The following CNTNAP5 variants were observed in gnomAD, a reference collection of about 807,000 sequenced individuals.
CNTNAP5 encodes the protein contactin-associated protein-like 5.
Under a neutral mutation model 150.2 loss-of-function variants are expected in CNTNAP5, and 72 were observed. That is an observed-to-expected ratio of 0.48 (90% CI 0.40 to 0.58). The LOEUF (loss-of-function observed/expected upper bound fraction) is 0.58. Among genes scored for constraint, CNTNAP5 ranks in the 20% least tolerant of loss-of-function variants. The pLI, the probability that CNTNAP5 is intolerant of heterozygous loss-of-function variation, is 0.00. For synonymous variants in CNTNAP5, 672 were observed against 619.8 expected (o/e 1.08, Z -1.25); for missense variants, 1,636 against 1,626.2 (o/e 1.01, Z -0.10).
At chr2:124,321,132 T>C (rs1361215589) in intron 3 of CNTNAP5, among the ~76,000 whole-genome samples, 1 of 152,254 alleles carries the variant, frequency 6.6e-6, no homozygotes, top group South Asian at 2.1e-4. Flanking sequence ...GGAAATTCAG[T>C]GCTGGAGCTA....
At chr2:124,222,619 T>C (rs187077704) in intron 2 of CNTNAP5, among the ~76,000 whole-genome samples, 3 of 152,182 alleles carry the variant, frequency 2.0e-5, no homozygotes, top group Admixed American at 2.0e-4. Context: ...GTTTATATTA[T>C]TTAATTTTGA....
chr2:124,218,813 T>C (rs866581500), intron 1 of CNTNAP5, among the ~76,000 whole-genome samples: 1 of 152,166 alleles, frequency 6.6e-6, no homozygotes, highest in Admixed American at 6.6e-5. Context: ...GACTGATAGA[T>C]ACCAATTTTA....
intron 1 of CNTNAP5, among the ~76,000 whole-genome samples, chr2:124,154,609 A>C (rs1270070171): frequency 6.6e-6 from 1 of 152,182 alleles, no homozygotes. Flanking sequence ...AAACTTTTCC[A>C]ATGAAGAAAG....
chr2:124,913,588 T>C (rs1234391009), intron 23 of CNTNAP5, among the ~76,000 whole-genome samples: 2 of 152,104 alleles, frequency 1.3e-5, no homozygotes, highest in African/African-American at 4.8e-5. Context: ...TCATTATTAA[T>C]GAAAATGTTT....
At chr2:124,238,757 A>G (rs1686812209) in intron 2 of CNTNAP5, among the ~76,000 whole-genome samples, 1 of 152,176 alleles carries the variant, frequency 6.6e-6, no homozygotes, top group South Asian at 2.1e-4. Context: ...TTAGAGAATA[A>G]TTCAGAAACA....
At chr2:124,070,600 G>T (rs1244876313) in intron 1 of CNTNAP5, among the ~76,000 whole-genome samples, 1 of 151,782 alleles carries the variant, frequency 6.6e-6, no homozygotes, top group South Asian at 2.1e-4. Flanking sequence ...TAGAGACAAA[G>T]AAGGGCATTA....
At chr2:124,247,597 A>G (rs1236907201) in intron 3 of CNTNAP5, among the ~76,000 whole-genome samples, 6 of 145,292 alleles carry the variant, frequency 4.1e-5, no homozygotes, top group African/African-American at 1.5e-4. Context: ...ATACAAAAAA[A>G]TGGGAAGAGA....
intron 23 of CNTNAP5, among the ~76,000 whole-genome samples, chr2:124,913,118 A>G (rs559132809): frequency 6.6e-6 from 1 of 152,202 alleles, no homozygotes; most frequent in East Asian, 1.9e-4. Flanking sequence ...ATCATAATTC[A>G]TTATGCCCAA....
rs115684621 is a variant in CNTNAP5, at chr2:124,397,413, G to A, written c.382-20030G>A. ...TCATATTAGGGAAAGCCAAGATAGG[G>A]AGGGCTAGTTCTTTTTCTATTCTTA... On this transcript the variant is annotated intron_variant, in intron 3 of 23. Transcript: ENST00000682447. 2.3e-3 allele frequency among the ~76,000 whole-genome samples: 352 copies of A among 152,220 alleles called. 1 individual carries two copies. The highest frequency in any genetic ancestry group is 8.2e-3 in the African/African-American group (341 of 41,546).
chr2:124,247,170 G>A (rs1401538088), intron 3 of CNTNAP5, among the ~76,000 whole-genome samples: 1 of 152,000 alleles, frequency 6.6e-6, no homozygotes, highest in Non-Finnish European at 1.5e-5. Context: ...TGCCACGTTG[G>A]GCCTAGAACA....
intron 17 of CNTNAP5, among the ~76,000 whole-genome samples, chr2:124,780,326 G>C (rs971069490): frequency 1.3e-5 from 2 of 152,148 alleles, no homozygotes; most frequent in Non-Finnish European, 2.9e-5. Context: ...TGGAAACTGA[G>C]GGGTTTTGAC....
chr2:124,088,711 C>T (rs1003800240), intron 1 of CNTNAP5, among the ~76,000 whole-genome samples: 4 of 152,096 alleles, frequency 2.6e-5, no homozygotes, highest in East Asian at 1.9e-4. Context: ...TACTGCCAAG[C>T]ATGGATGAAA....
intron 13 of CNTNAP5, among the ~76,000 whole-genome samples, chr2:124,694,201 A>T (rs529271917): frequency 3.9e-5 from 6 of 152,256 alleles, no homozygotes; most frequent in Non-Finnish European, 8.8e-5. Flanking sequence ...GTAGTAAACA[A>T]ACTTGACATT....
At position 124,392,787 on chromosome 2, in the gene CNTNAP5, C is replaced by CCAAAAA. The variant is rs553819089; in HGVS notation, c.382-24653_382-24648dup. 3.6e-3 allele frequency among the ~76,000 whole-genome samples: 485 copies of CCAAAAA among 135,882 alleles called. 6 individuals are homozygous for CCAAAAA. The highest frequency in any genetic ancestry group is 0.012 in the African/African-American group (431 of 36,418). 89.1% of individuals were successfully genotyped at this position (135,882 alleles called of 152,430 possible). On this transcript the variant is annotated intron_variant, in intron 3 of 23. Transcript: ENST00000682447. ...AAAAAAGAGGAGAACAAAACCAAAA[C>CCAAAAA]CAAAAACACAAAAACAAGCTTTGGT...
rs139952289 is a variant in CNTNAP5, at chr2:124,497,770, C to A, written c.1063-6522C>A. 3.0e-3 allele frequency among the ~76,000 whole-genome samples: 456 copies of A among 152,284 alleles called. 1 individual carries two copies. Among genetic ancestry groups the A allele is most frequent in the Non-Finnish European group, 5.1e-3 (345 of 68,024 alleles). The stretch of plus-strand genomic sequence containing the variant: ...TTTGACTAACATGGAGGCCTGAGCT[C>A]CCTGTTCAATACATTTCAGTCTATT... On this transcript the variant is annotated intron_variant, in intron 7 of 23. Coordinates refer to ENST00000682447, the MANE Select transcript of CNTNAP5 (RefSeq NM_001367498.1).
chr2:124,720,952 A>G (rs745428908), intron 13 of CNTNAP5, among the ~76,000 whole-genome samples: 3 of 152,016 alleles, frequency 2.0e-5, no homozygotes, highest in African/African-American at 7.2e-5. Flanking sequence ...TTTCTTTACT[A>G]TGAACCTAAA....
chr2:124,054,494 C>G, intron 1 of CNTNAP5, among the ~76,000 whole-genome samples: 1 of 152,120 alleles, frequency 6.6e-6, no homozygotes, highest in East Asian at 1.9e-4. Flanking sequence ...CTGAGAGCAG[C>G]TGTCAATGTC....
intron 7 of CNTNAP5, among the ~76,000 whole-genome samples, chr2:124,485,750 G>A (rs1332603329): frequency 6.6e-6 from 1 of 152,050 alleles, no homozygotes; most frequent in African/African-American, 2.4e-5. Context: ...CTGAAGCTGG[G>A]GTCAACCATG....
At chr2:124,276,471 T>C (rs544545719) in intron 3 of CNTNAP5, among the ~76,000 whole-genome samples, 1 of 152,336 alleles carries the variant, frequency 6.6e-6, no homozygotes, top group South Asian at 2.1e-4. Flanking sequence ...CCTTGATTTA[T>C]TTAAATGATA....
Sources: allele counts gnomAD v4.1 joint callset (sites outside exome capture counted in the v4.1 genomes callset), GRCh38; gene constraint gnomAD v4.1.1; transcripts MANE v1.5; gene names NCBI Gene and HGNC (gene_info 2026-07-23, HGNC 2026-07-21).